Variants in STXBP5L observed in about 807,000 individuals in gnomAD.
The protein encoded by STXBP5L is syntaxin binding protein 5L.
In STXBP5L, 65 loss-of-function variants were observed where a neutral mutation model predicts 144.5. That is an observed-to-expected ratio of 0.45 (90% CI 0.37 to 0.55). The LOEUF (loss-of-function observed/expected upper bound fraction) is 0.55, where lower values mean the gene tolerates loss of function less well. Among genes scored for constraint, STXBP5L ranks in the 20% least tolerant of loss-of-function variants. The pLI, the probability that STXBP5L is intolerant of heterozygous loss-of-function variation, is 0.00. For missense variants in STXBP5L, 1,298 were observed against 1,405.5 expected (o/e 0.92, Z 1.22); for synonymous variants, 505 against 469.6 (o/e 1.08, Z -0.97).
At chr3:121,189,362 AT>A (rs1290614276) in intron 9 of STXBP5L, among the ~76,000 whole-genome samples, 1 of 152,210 alleles carries the variant, frequency 6.6e-6, no homozygotes, top group African/African-American at 2.4e-5. Context: ...TAGGTCTAAC[AT>A]TTAAGTCTTT....
At chr3:120,971,800 A>G (rs1057214308) in intron 3 of STXBP5L, among the ~76,000 whole-genome samples, 5 of 147,670 alleles carry the variant, frequency 3.4e-5, no homozygotes, top group African/African-American at 1.2e-4. Flanking sequence ...ATATACACAC[A>G]TATATATATA....
chr3:121,230,486 A>G (rs1266843951), intron 11 of STXBP5L, among the ~76,000 whole-genome samples: 1 of 150,272 alleles, frequency 6.7e-6, no homozygotes, highest in African/African-American at 2.5e-5. Flanking sequence ...GGCAAATATT[A>G]TAAAAGTAAT....
intron 5 of STXBP5L, among the ~76,000 whole-genome samples, chr3:121,092,386 A>C (rs1475056388): frequency 3.9e-5 from 6 of 152,074 alleles, no homozygotes; most frequent in African/African-American, 7.2e-5. Context: ...CACGATATTG[A>C]TTCTTCCTAC....
chr3:121,085,435 C>A (rs982740955), intron 5 of STXBP5L, among the ~76,000 whole-genome samples: 2 of 152,104 alleles, frequency 1.3e-5, no homozygotes, highest in Non-Finnish European at 2.9e-5. Context: ...TAGCCTCAGC[C>A]TAAAGCTTCT....
chr3:121,029,833 A>C (rs1946233924), intron 3 of STXBP5L, among the ~76,000 whole-genome samples: 1 of 151,992 alleles, frequency 6.6e-6, no homozygotes, highest in Non-Finnish European at 1.5e-5. Context: ...ACAAATTTAC[A>C]AGAAAAAAAA....
intron 11 of STXBP5L, 78 bp from the exon 12 acceptor site, chr3:121,233,538 G>A: frequency 3.0e-6 from 3 of 1,005,086 alleles, no homozygotes; most frequent in East Asian, 2.8e-5. Flanking sequence ...ATTTGTATAG[G>A]GATAAAGGAA....
In STXBP5L at chr3:121,336,518, CCAAA is replaced by C. The variant is rs567346346; in HGVS notation, c.2176+17995_2176+17998del. ...TCAAAAAAACCAGCCAACCAACCAA[CCAAA>C]CAAACAAACAAACAAAAAAATCCAC... On this transcript the variant is annotated intron_variant, in intron 20 of 26. Coordinates refer to ENST00000471454, the MANE Select transcript of STXBP5L (RefSeq NM_001308330.2). Among the ~76,000 whole-genome samples, 88 of 151,828 alleles carry C rather than the reference CCAAA, an allele frequency of 5.8e-4. 1 individual carries two copies. Among genetic ancestry groups the C allele is most frequent in the South Asian group, 5.6e-3 (27 of 4,800 alleles).
chr3:121,269,547 G>A (rs904833610), intron 18 of STXBP5L, among the ~76,000 whole-genome samples: 1 of 152,126 alleles, frequency 6.6e-6, no homozygotes, highest in African/African-American at 2.4e-5. Context: ...AGTTCTCTGA[G>A]CCCACAGGGG....
intron 22 of STXBP5L, among the ~76,000 whole-genome samples, chr3:121,393,810 C>G (rs933522167): frequency 6.6e-6 from 1 of 152,058 alleles, no homozygotes; most frequent in African/African-American, 2.4e-5. Flanking sequence ...TACGAGTACT[C>G]TGCTGTTTTG....
chr3:120,965,963 CTTTG>C (rs1052917239), intron 3 of STXBP5L, among the ~76,000 whole-genome samples: 33 of 152,156 alleles, frequency 2.2e-4, no homozygotes, highest in Admixed American at 2.0e-3. Context: ...TTCTTAAAGG[CTTTG>C]TTCGTTTCTT....
At chr3:121,213,200 A>C (rs2048646384) in intron 10 of STXBP5L, among the ~76,000 whole-genome samples, 1 of 152,036 alleles carries the variant, frequency 6.6e-6, no homozygotes, top group South Asian at 2.1e-4. Context: ...AATACCCTTT[A>C]TTTCTTTCTC....
chr3:121,294,416 TAA>T (rs1443186954), intron 19 of STXBP5L, among the ~76,000 whole-genome samples: 2 of 152,168 alleles, frequency 1.3e-5, no homozygotes, highest in Non-Finnish European at 2.9e-5. Flanking sequence ...TGGTAGGAAA[TAA>T]AGAGTTCAGT....
intron 2 of STXBP5L, among the ~76,000 whole-genome samples, chr3:120,942,245 T>C (rs2107655581): frequency 6.6e-6 from 1 of 151,832 alleles, no homozygotes; most frequent in Admixed American, 6.6e-5. Context: ...AATTACTTCT[T>C]GAATACTAAA....
chr3:121,010,125 A>T (rs1367231988), intron 3 of STXBP5L, among the ~76,000 whole-genome samples: 2 of 151,998 alleles, frequency 1.3e-5, no homozygotes, highest in South Asian at 2.1e-4. Context: ...CTATTAATTA[A>T]TTGGGCATAT....
At chr3:121,287,876 G>A (rs977737511) in intron 19 of STXBP5L, among the ~76,000 whole-genome samples, 2 of 152,044 alleles carry the variant, frequency 1.3e-5, no homozygotes, top group Non-Finnish European at 2.9e-5. Context: ...ACATTGCTAA[G>A]AAAAGTTAAG....
At chr3:121,301,900 T>C (rs2051925038) in intron 19 of STXBP5L, among the ~76,000 whole-genome samples, 1 of 152,238 alleles carries the variant, frequency 6.6e-6, no homozygotes, top group Non-Finnish European at 1.5e-5. Context: ...TGAAGCCCAC[T>C]TGACTATGGT....
intron 4 of STXBP5L, among the ~76,000 whole-genome samples, chr3:121,042,402 G>A (rs1947222867): frequency 6.6e-6 from 1 of 152,090 alleles, no homozygotes; most frequent in African/African-American, 2.4e-5. Context: ...GCTACTTTAG[G>A]CTTTCTTAAA....
intron 9 of STXBP5L, among the ~76,000 whole-genome samples, chr3:121,196,009 A>G (rs1005418904): frequency 5.3e-5 from 8 of 152,114 alleles, no homozygotes; most frequent in African/African-American, 1.9e-4. Context: ...ATTCTTGTTC[A>G]ATAGTACTTT....
intron 19 of STXBP5L, among the ~76,000 whole-genome samples, chr3:121,316,419 T>G (rs2043791190): frequency 6.6e-6 from 1 of 152,164 alleles, no homozygotes; most frequent in Non-Finnish European, 1.5e-5. Flanking sequence ...ATTTTAAAAT[T>G]TTGATGAAAC....
Sources: allele counts gnomAD v4.1 joint callset (sites outside exome capture counted in the v4.1 genomes callset), GRCh38; gene constraint gnomAD v4.1.1; transcripts MANE v1.5; gene names NCBI Gene and HGNC (gene_info 2026-07-23, HGNC 2026-07-21).